The following TPM1 variants were observed in gnomAD, a reference collection of about 807,000 sequenced individuals.
TPM1 encodes the protein tropomyosin 1.
Under a neutral mutation model 42.9 loss-of-function variants are expected in TPM1, and 24 were observed. The ratio of observed to expected loss-of-function variants is 0.56; its 90% confidence interval spans 0.41 to 0.79. The LOEUF (loss-of-function observed/expected upper bound fraction) is 0.79. Ranked by LOEUF, TPM1 falls within the 30% of genes least tolerant of loss-of-function variation. TPM1 has a pLI of 0.00. For synonymous variants in TPM1, 136 were observed against 130.1 expected (o/e 1.05, Z -0.31); for missense variants, 158 against 351.8 (o/e 0.45, Z 4.41).
intron 3 of TPM1, among the ~76,000 whole-genome samples, chr15:63,057,489 A>AT (rs2034990856): frequency 1.3e-5 from 2 of 152,246 alleles, no homozygotes; most frequent in South Asian, 4.1e-4. Context: ...ACTTTATTTT[A>AT]TAATATACAA....
chr15:63,043,063 A>C (rs972088741), intron 1 of TPM1, 120 bp downstream of exon 1: 16 of 798,752 alleles, frequency 2.0e-5, no homozygotes, highest in East Asian at 5.6e-5. Context: ...ACCACCACCC[A>C]GGGCGGCCAG....
chr15:63,070,824 C>T, downstream of TPM1: 2 of 1,261,432 alleles, frequency 1.6e-6, no homozygotes, highest in African/African-American at 3.1e-5. Context: ...TTCACCAAAC[C>T]CCACGTGCAT....
At position 63,048,617 on chromosome 15, in the gene TPM1, C is replaced by G. The variant is rs730881129; in HGVS notation, c.240+4465C>G. Reference sequence around the variant, plus strand: ...CGCTGGAGGCGGTGCGCAGGAAGATCCGGAGCCTGCAGGAGCAGGCGGACG... The same window carrying G: ...CGCTGGAGGCGGTGCGCAGGAAGATGCGGAGCCTGCAGGAGCAGGCGGACG... On this transcript the variant is annotated intron_variant, in intron 2 of 9. Transcript: ENST00000403994. 3.9e-5 allele frequency: 60 copies of G among 1,535,370 alleles called. No homozygotes were observed. Among genetic ancestry groups the G allele is most frequent in the Non-Finnish European group, 5.1e-5 (58 of 1,142,426 alleles).
intron 2 of TPM1, chr15:63,048,075 C>G (rs1188974173): frequency 2.5e-5 from 9 of 364,392 alleles, no homozygotes; most frequent in South Asian, 1.4e-4. Context: ...AGACCCGCCG[C>G]TCAGCTTCTC....
Position 63,066,176 on chromosome 15 carries a change from A to G in TPM1, c.*277A>G, listed in dbSNP as rs1425329769. Reference sequence around the variant, plus strand: ...ATAAAACTACAAAGCTGCTTCACACATATGAGGGTTAGTGTTTGGCTGCTG... The same window carrying G: ...ATAAAACTACAAAGCTGCTTCACACGTATGAGGGTTAGTGTTTGGCTGCTG... On this transcript the variant is annotated 3_prime_UTR_variant, in exon 10 of 10. Transcript: ENST00000403994. 1.4e-6 allele frequency: 2 copies of G among 1,434,206 alleles called. No individual in the cohort carries two copies. The highest frequency in any genetic ancestry group is 2.9e-5 in the African/African-American group (2 of 69,630). 88.8% of individuals were successfully genotyped at this position (1,434,206 alleles called of 1,614,324 possible).
At chr15:63,048,839 A>C in intron 2 of TPM1, 1 of 1,268,958 alleles carries the variant, frequency 7.9e-7, no homozygotes, top group East Asian at 2.6e-5. Context: ...CACCTGGCGC[A>C]CCTGGGCCAG....
downstream of TPM1, chr15:63,070,818 C>G (rs2036568550): frequency 8.0e-7 from 1 of 1,253,388 alleles, no homozygotes; most frequent in Middle Eastern, 3.0e-4. Context: ...TGAACCTTCA[C>G]CAAACCCCAC....
intron 8 of TPM1, chr15:63,063,223 T>G (rs2035886655): frequency 1.0e-6 from 1 of 985,464 alleles, no homozygotes; most frequent in Middle Eastern, 5.2e-4. Flanking sequence ...TGTTGAGCTT[T>G]GAAGCTTGTG....
chr15:63,044,674 T>C (rs961784513), intron 2 of TPM1: 1 of 214,114 alleles, frequency 4.7e-6, no homozygotes, highest in South Asian at 8.6e-5. Context: ...CAGAGACACT[T>C]TGAGGCTTCC....
chr15:63,063,465 T>G, intron 8 of TPM1: 4 of 765,238 alleles, frequency 5.2e-6, no homozygotes, highest in Non-Finnish European at 6.4e-6. Flanking sequence ...TTTTCAAGCC[T>G]CCTGGACCAG....
chr15:63,043,783 G>A lies in TPM1; in HGVS notation c.115-244G>A, dbSNP rs989115520. ...AGCGGGACCGGGTGCTGGAGGAGCT[G>A]CACAAGGCGGAGGACAGCCTCCTGG... On this transcript the variant is annotated intron_variant, in intron 1 of 9. Transcript: ENST00000403994. The A allele has an allele frequency of 1.4e-5, 22 of 1,549,674 alleles. No homozygotes were observed. The Admixed American group carries it at 4.3e-4, about 30-fold the overall frequency.
chr15:63,070,701 G>C, downstream of TPM1: 3 of 1,048,454 alleles, frequency 2.9e-6, no homozygotes, highest in Non-Finnish European at 3.5e-6. Context: ...ACTTTTAACT[G>C]CCTGTACCTT....
downstream of TPM1, among the ~76,000 whole-genome samples, chr15:63,068,411 G>A (rs1442515209): frequency 6.6e-6 from 1 of 152,208 alleles, no homozygotes; most frequent in African/African-American, 2.4e-5. Flanking sequence ...TGAGCAAAGA[G>A]GACAGAGCAG....
intron 2 of TPM1, chr15:63,048,800 C>G (rs772483155): frequency 3.6e-5 from 54 of 1,481,498 alleles, no homozygotes; most frequent in South Asian, 1.9e-4. Context: ...CCGCAGGCCC[C>G]GGTCCCTCGT....
downstream of TPM1, chr15:63,069,877 C>CT (rs1171215612): frequency 6.2e-7 from 1 of 1,614,118 alleles, no homozygotes; most frequent in Non-Finnish European, 8.5e-7. Flanking sequence ...CAGATCAACT[C>CT]TACCAGCAAC....
chr15:63,065,067 A>G (rs2036131057), intron 9 of TPM1: 1 of 985,278 alleles, frequency 1.0e-6, no homozygotes. Flanking sequence ...CACGATAAAT[A>G]TTTACCACAA....
intron 2 of TPM1, among the ~76,000 whole-genome samples, chr15:63,050,605 T>G (rs1380140654): frequency 2.0e-5 from 3 of 152,246 alleles, no homozygotes; most frequent in African/African-American, 7.2e-5. Flanking sequence ...TTTCACGGCT[T>G]TATATCAAAA....
downstream of TPM1, among the ~76,000 whole-genome samples, chr15:63,066,889 A>C: frequency 1.2e-5 from 1 of 86,122 alleles, no homozygotes; most frequent in East Asian, 5.6e-4. Context: ...TAGCAATGAA[A>C]GTTTCTTTTT....
intron 2 of TPM1, chr15:63,048,530 C>T: frequency 6.6e-7 from 1 of 1,506,778 alleles, no homozygotes; most frequent in South Asian, 1.2e-5. Flanking sequence ...GGGCAGCAGC[C>T]GGCCTCTCCC....
Sources: gnomAD v4.1 joint callset for allele counts (sites outside exome capture counted in the v4.1 genomes callset) on GRCh38, gnomAD v4.1.1 for gene constraint, MANE v1.5 for transcripts, NCBI Gene and HGNC (gene_info 2026-07-23, HGNC 2026-07-21) for gene names.